KCNJ10: variants seen among roughly 807,000 people sequenced by gnomAD.
KCNJ10 encodes the protein ATP-sensitive inward rectifier potassium channel 10.
A neutral mutation model predicts 22.2 loss-of-function variants in KCNJ10; 9 were observed. The observed-to-expected ratio is 0.40, with a 90% CI of 0.24 to 0.71. KCNJ10 has a LOEUF of 0.71. Ranked by LOEUF, KCNJ10 falls within the 30% of genes least tolerant of loss-of-function variation. KCNJ10 has a pLI of 0.35. For missense variants in KCNJ10, 337 were observed against 482.7 expected (o/e 0.70, Z 2.83); for synonymous variants, 184 against 187.3 (o/e 0.98, Z 0.15).
At chr1:160,059,387 T>C (rs1649128534) in intron 1 of KCNJ10, among the ~76,000 whole-genome samples, 1 of 152,164 alleles carries the variant, frequency 6.6e-6, no homozygotes, top group Non-Finnish European at 1.5e-5. Context: ...TTATTTTACA[T>C]CAGAATCAGA....
chr1:160,052,678 T>C (rs547789427), intron 1 of KCNJ10, among the ~76,000 whole-genome samples: 3 of 152,296 alleles, frequency 2.0e-5, no homozygotes, highest in Admixed American at 2.0e-4. Context: ...TGGTGGAACA[T>C]GCACTGGACT....
chr1:160,064,117 C>T (rs559722451), intron 1 of KCNJ10, among the ~76,000 whole-genome samples: 20 of 152,304 alleles, frequency 1.3e-4, no homozygotes, highest in Non-Finnish European at 2.5e-4. Flanking sequence ...AGGAAATCAA[C>T]GAGGATATTC....
intron 1 of KCNJ10, among the ~76,000 whole-genome samples, chr1:160,043,270 A>ACAC (rs1553235194): frequency 1.7e-4 from 4 of 24,042 alleles, no homozygotes; most frequent in Non-Finnish European, 4.3e-4. Context: ...AATCCCCCTT[A>ACAC]AAACACACAC....
chr1:160,039,994 T>C lies in KCNJ10; in HGVS notation c.*1399A>G, dbSNP rs1213293623. On this transcript the variant is annotated 3_prime_UTR_variant, in exon 2 of 2. Transcript: ENST00000644903. Reference sequence around the variant, plus strand: ...GTTTGATCTCTTAAAGTCTACTTTTTAACTTGTCTGAAAATGGCCTCATGG... The same window carrying C: ...GTTTGATCTCTTAAAGTCTACTTTTCAACTTGTCTGAAAATGGCCTCATGG... 6.6e-6 allele frequency: 1 copy of C among 152,318 alleles called. No homozygotes were observed. Among genetic ancestry groups the C allele is most frequent in the African/African-American group, 2.4e-5 (1 of 41,474 alleles). The allele number at this position is 152,318 out of a possible 1,614,324, so 9.4% of individuals were successfully genotyped here. A position where few individuals can be genotyped will look rare whatever the true frequency, so the allele number is the denominator to read the frequency against.
chr1:160,053,382 G>A (rs1648949929), intron 1 of KCNJ10, among the ~76,000 whole-genome samples: 1 of 152,146 alleles, frequency 6.6e-6, no homozygotes, highest in African/African-American at 2.4e-5. Context: ...TGAGGGTTGG[G>A]GAAGAGAAAA....
intron 1 of KCNJ10, among the ~76,000 whole-genome samples, chr1:160,067,391 G>A (rs1257977495): frequency 2.6e-5 from 4 of 152,194 alleles, no homozygotes; most frequent in Admixed American, 6.5e-5. Context: ...TGGAGAGACC[G>A]AAGTGACATG....
intron 1 of KCNJ10, among the ~76,000 whole-genome samples, chr1:160,057,906 G>C (rs1182961347): frequency 6.6e-6 from 1 of 152,112 alleles, no homozygotes; most frequent in Non-Finnish European, 1.5e-5. Context: ...GACCTAGGGG[G>C]TGGAGGGCCC....
intron 1 of KCNJ10, among the ~76,000 whole-genome samples, chr1:160,059,820 C>G (rs1649145522): frequency 6.6e-6 from 1 of 152,224 alleles, no homozygotes; most frequent in Non-Finnish European, 1.5e-5. Flanking sequence ...TAAAGGGGGA[C>G]TTTTCCTTCT....
In KCNJ10 at chr1:160,045,574, T is replaced by C. The variant is rs528783827; in HGVS notation, c.1-3042A>G. Among the ~76,000 whole-genome samples, 17 of 152,360 alleles carry C rather than the reference T, an allele frequency of 1.1e-4. No homozygotes were observed. The South Asian group carries it at 3.5e-3, about 32-fold the overall frequency. ...AAAATAATCCAATATGAGTTATTCA[T>C]GTGTTTTGATTGCCAAAAAAGCAAA... On this transcript the variant is annotated intron_variant, in intron 1 of 1. Transcript: ENST00000644903.
intron 1 of KCNJ10, among the ~76,000 whole-genome samples, chr1:160,043,911 ATCT>A (rs1329325609): frequency 6.6e-6 from 1 of 152,246 alleles, no homozygotes; most frequent in Non-Finnish European, 1.5e-5. Flanking sequence ...TGATAGCCAG[ATCT>A]TCTGTGGAGC....
chr1:160,047,871 G>A (rs1302766824), intron 1 of KCNJ10, among the ~76,000 whole-genome samples: 1 of 152,140 alleles, frequency 6.6e-6, no homozygotes, highest in Non-Finnish European at 1.5e-5. Context: ...CTCCTAAGTA[G>A]CTGGCACTAT....
intron 1 of KCNJ10, among the ~76,000 whole-genome samples, chr1:160,055,522 T>C (rs2101931463): frequency 6.6e-6 from 1 of 152,352 alleles, no homozygotes; most frequent in Non-Finnish European, 1.5e-5. Flanking sequence ...ATTAAGTAGC[T>C]CTGCCATTTC....
chr1:160,056,510 G>C (rs1198112739), intron 1 of KCNJ10, among the ~76,000 whole-genome samples: 1 of 152,154 alleles, frequency 6.6e-6, no homozygotes, highest in Admixed American at 6.5e-5. Flanking sequence ...CCAGACTGCT[G>C]TCTTCCCTTT....
At chr1:160,062,852 G>T (rs1649235620) in intron 1 of KCNJ10, among the ~76,000 whole-genome samples, 1 of 152,058 alleles carries the variant, frequency 6.6e-6, no homozygotes, top group Non-Finnish European at 1.5e-5. Flanking sequence ...GGGTCTTTGG[G>T]GTTCTACTTC....
intron 1 of KCNJ10, chr1:160,067,878 C>T (rs1406286048): frequency 1.3e-5 from 2 of 152,160 alleles, no homozygotes; most frequent in Non-Finnish European, 2.9e-5. Flanking sequence ...CTGCCAATCA[C>T]AGAATGACTC....
chr1:160,049,686 TA>T (rs1648845758), intron 1 of KCNJ10, among the ~76,000 whole-genome samples: 5 of 101,518 alleles, frequency 4.9e-5, no homozygotes, highest in African/African-American at 2.3e-4. Flanking sequence ...TATATATATA[TA>T]TATATATATA....
chr1:160,069,168 TCA>T (rs1267623243), intron 1 of KCNJ10, among the ~76,000 whole-genome samples: 4 of 152,144 alleles, frequency 2.6e-5, no homozygotes, highest in African/African-American at 9.7e-5. Flanking sequence ...GAACCCACCC[TCA>T]CTTTTTCCCA....
At position 160,040,117 on chromosome 1, in the gene KCNJ10, C is replaced by A; in HGVS notation, c.*1276G>T. 6.1e-6 allele frequency: 1 copy of A among 164,290 alleles called. No homozygotes were observed. Among genetic ancestry groups the A allele is most frequent in the African/African-American group, 2.4e-5 (1 of 42,118 alleles). 10.2% of individuals were successfully genotyped at this position (164,290 alleles called of 1,614,324 possible). On this transcript the variant is annotated 3_prime_UTR_variant, in exon 2 of 2. Coordinates refer to ENST00000644903, the MANE Select transcript of KCNJ10 (RefSeq NM_002241.5). The stretch of plus-strand genomic sequence containing the variant: ...GTTATTTGATCAGAAGGTATAATTT[C>A]ATTTCCTTCCAGCATTGCCTAATGA...
intron 1 of KCNJ10, among the ~76,000 whole-genome samples, chr1:160,064,038 C>T (rs1235963783): frequency 6.6e-6 from 1 of 152,224 alleles, no homozygotes; most frequent in Admixed American, 6.5e-5. Context: ...AGAGGCAGAA[C>T]TTAACATGAT....
Sources: gnomAD v4.1 joint callset for allele counts (sites outside exome capture counted in the v4.1 genomes callset) on GRCh38, gnomAD v4.1.1 for gene constraint, MANE v1.5 for transcripts, NCBI Gene and HGNC (gene_info 2026-07-23, HGNC 2026-07-21) for gene names.